DOCK4: variants seen among roughly 807,000 people sequenced by gnomAD.
DOCK4 encodes dedicator of cytokinesis protein 4.
A neutral mutation model predicts 268.1 loss-of-function variants in DOCK4; 97 were observed. That is an observed-to-expected ratio of 0.36 (90% CI 0.31 to 0.43). The LOEUF (loss-of-function observed/expected upper bound fraction) is 0.43. Among genes scored for constraint, DOCK4 ranks in the 20% least tolerant of loss-of-function variants. DOCK4 has a pLI of 1.00. For synonymous variants in DOCK4, 954 were observed against 887.2 expected (o/e 1.08, Z -1.34); for missense variants, 2,145 against 2,455.7 (o/e 0.87, Z 2.67).
At chr7:111,883,062 C>T (rs1012086229) in intron 16 of DOCK4, among the ~76,000 whole-genome samples, 58 of 152,188 alleles carry the variant, frequency 3.8e-4, no homozygotes, top group African/African-American at 1.2e-3. Flanking sequence ...TTTAATATTA[C>T]AACTCCAAAT....
At chr7:111,849,989 C>G (rs1804415529) in intron 23 of DOCK4, among the ~76,000 whole-genome samples, 1 of 152,164 alleles carries the variant, frequency 6.6e-6, no homozygotes, top group African/African-American at 2.4e-5. Flanking sequence ...CTCTTGTCTG[C>G]AAGTCAACTG....
intron 16 of DOCK4, among the ~76,000 whole-genome samples, chr7:111,882,829 G>A (rs1807514935): frequency 6.6e-6 from 1 of 152,004 alleles, no homozygotes; most frequent in East Asian, 1.9e-4. Context: ...GGCTGGTCTC[G>A]AACTCCTGAC....
In DOCK4 at chr7:111,784,114, T is replaced by C. The variant is rs1798990494; in HGVS notation, c.3411A>G (p.Leu1137=). The change falls in exon 33 of 53, where the codon CTA becomes CTG. Residue 1137 remains leucine, a synonymous_variant. Coordinates refer to ENST00000428084, the MANE Select transcript of DOCK4 (RefSeq NM_001363540.2). The part of the protein sequence containing the change: ...YRELFNSIIP[L]FGPYPSLLKK... ...TGTCTTACCTAGGATAGGGACCAAA[T>C]AGTGGAATTCTAATCCAGGAAGCAT... The C allele has an allele frequency of 2.5e-6, 4 of 1,577,992 alleles. No homozygotes were observed. Among genetic ancestry groups the C allele is most frequent in the East Asian group, 4.5e-5 (2 of 44,434 alleles).
chr7:112,165,536 GTGTGTGT>G (rs1817525471), intron 1 of DOCK4, among the ~76,000 whole-genome samples: 1 of 71,268 alleles, frequency 1.4e-5, no homozygotes, highest in African/African-American at 6.3e-5. Context: ...GTGTGTGTGT[GTGTGTGT>G]GTGTGTGTGT....
chr7:111,914,040 T>C (rs17548847), intron 13 of DOCK4, among the ~76,000 whole-genome samples: 4,803 of 152,214 alleles, frequency 0.032, 128 homozygotes, highest in Non-Finnish European at 0.051. Context: ...ATCATTAGCA[T>C]TGAAGACCCT....
chr7:112,012,091 T>C (rs138591061), intron 1 of DOCK4, among the ~76,000 whole-genome samples: 51 of 152,166 alleles, frequency 3.4e-4, no homozygotes, highest in African/African-American at 1.2e-3. Context: ...GAATTTGATG[T>C]GTAAGTAAAT....
In DOCK4 at chr7:111,877,077, G is replaced by A. The variant is rs1218927922; in HGVS notation, c.1697C>T (p.Ser566Phe). 7.6e-6 allele frequency: 12 copies of A among 1,578,102 alleles called. No homozygotes were observed. The highest frequency in any genetic ancestry group is 1.9e-5 in the Admixed American group (1 of 53,528). The stretch of plus-strand genomic sequence containing the variant: ...ACAGAGAAAAGATGTAATACAAAAG[G>A]ACTCCTTTGTGGCCTTCATGGCTTG... ...NNQAMKATKE[S>F]FCITSFLCST... Residue 566 changes from serine to phenylalanine, a missense_variant, in exon 17 of 53, where the codon TCC (serine) becomes TTC (phenylalanine). Ser to Phe is a radical substitution (Grantham distance 155). Transcript: ENST00000428084.
chr7:111,776,823 C>CTTTTTTTTTTTTTTTT (rs1563488767), intron 36 of DOCK4, among the ~76,000 whole-genome samples: 2 of 151,982 alleles, frequency 1.3e-5, no homozygotes, highest in African/African-American at 4.8e-5. Flanking sequence ...TGAGTAATTT[C>CTTTTTTTTTTTTTTTT]TTTTTATTAT....
At chr7:112,022,394 A>T (rs991291339) in intron 1 of DOCK4, among the ~76,000 whole-genome samples, 1 of 152,150 alleles carries the variant, frequency 6.6e-6, no homozygotes, top group Non-Finnish European at 1.5e-5. Flanking sequence ...GTGGTACAGG[A>T]GAGGGTTCCG....
At chr7:112,009,604 G>C (rs1801130564) in intron 1 of DOCK4, among the ~76,000 whole-genome samples, 1 of 151,604 alleles carries the variant, frequency 6.6e-6, no homozygotes, top group South Asian at 2.1e-4. Context: ...GAGGTCTTCA[G>C]ACTGGTTCCT....
Position 111,742,149 on chromosome 7 carries a change from AG to A in DOCK4, c.4678-18del, listed in dbSNP as rs1795959843. On this transcript the variant is annotated intron_variant, in intron 44 of 52. Coordinates refer to ENST00000428084, the MANE Select transcript of DOCK4 (RefSeq NM_001363540.2). ...AATCTGTGCCTTAATTCACAACATA[AG>A]GAAAAAACCTCACATCAATGACTAC... 6.4e-7 allele frequency: 1 copy of A among 1,567,508 alleles called. No homozygotes were observed. The highest frequency in any genetic ancestry group is 8.6e-7 in the Non-Finnish European group (1 of 1,159,420).
intron 39 of DOCK4, among the ~76,000 whole-genome samples, chr7:111,763,533 C>T (rs1290977461): frequency 2.0e-5 from 3 of 152,304 alleles, no homozygotes; most frequent in African/African-American, 7.2e-5. Context: ...ATTTGCTAAA[C>T]TCTCTTTAAA....
chr7:112,011,184 C>A (rs1801263582), intron 1 of DOCK4, among the ~76,000 whole-genome samples: 1 of 152,226 alleles, frequency 6.6e-6, no homozygotes, highest in Non-Finnish European at 1.5e-5. Flanking sequence ...ACTTAACTGA[C>A]CAAGATTGTC....
intron 1 of DOCK4, among the ~76,000 whole-genome samples, chr7:112,064,826 A>C (rs1806772249): frequency 6.6e-6 from 1 of 152,162 alleles, no homozygotes; most frequent in Non-Finnish European, 1.5e-5. Flanking sequence ...TGTTCTTGTA[A>C]GAGGAAATTT....
intron 27 of DOCK4, among the ~76,000 whole-genome samples, chr7:111,822,137 A>G (rs1459846793): frequency 6.6e-6 from 1 of 152,206 alleles, no homozygotes; most frequent in African/African-American, 2.4e-5. Flanking sequence ...GGTCAATGGG[A>G]ACAGAACTTC....
At chr7:111,745,284 T>C (rs1179486584) in intron 44 of DOCK4, among the ~76,000 whole-genome samples, 1 of 152,190 alleles carries the variant, frequency 6.6e-6, no homozygotes. Flanking sequence ...TAAAGCAAGA[T>C]CTACTGATTG....
chr7:111,963,248 G>A (rs932243191), intron 8 of DOCK4, among the ~76,000 whole-genome samples: 2 of 151,436 alleles, frequency 1.3e-5, no homozygotes, highest in African/African-American at 2.4e-5. Flanking sequence ...AGCTCCCAGC[G>A]TGAGCGACGC....
intron 13 of DOCK4, 39 bp downstream of exon 13, chr7:111,915,740 C>G: frequency 2.6e-5 from 41 of 1,603,444 alleles, no homozygotes; most frequent in Non-Finnish European, 3.3e-5. Context: ...AGATAGTATA[C>G]CCATATTTCA....
chr7:111,767,366 A>G (rs1365209524), intron 37 of DOCK4, among the ~76,000 whole-genome samples: 4 of 151,300 alleles, frequency 2.6e-5, no homozygotes, highest in African/African-American at 9.7e-5. Flanking sequence ...AGCTGGGATT[A>G]CAGGCACGCA....
Sources: gnomAD v4.1 joint callset for allele counts (sites outside exome capture counted in the v4.1 genomes callset) on GRCh38, gnomAD v4.1.1 for gene constraint, MANE v1.5 for transcripts, NCBI Gene and HGNC (gene_info 2026-07-23, HGNC 2026-07-21) for gene names.